Variants in FRMD7 observed in about 807,000 individuals in gnomAD.
The protein encoded by FRMD7 is FERM domain-containing protein 7.
In FRMD7, 14 loss-of-function variants were observed where a neutral mutation model predicts 44.1. The observed-to-expected ratio is 0.32, with a 90% confidence interval of 0.21 to 0.50. The LOEUF (loss-of-function observed/expected upper bound fraction) is 0.50. FRMD7 is among the 20% of genes least tolerant of loss of function. The pLI is 0.99. For synonymous variants in FRMD7, 212 were observed against 187.4 expected (o/e 1.13, Z -1.07); for missense variants, 501 against 522.3 (o/e 0.96, Z 0.40).
intron 1 of FRMD7, among the ~76,000 whole-genome samples, chrX:132,121,042 G>A (rs1345167455): frequency 1.8e-5 from 2 of 111,548 alleles, no homozygotes; most frequent in Non-Finnish European, 3.8e-5. Flanking sequence ...GGGTGGTGGT[G>A]AGCTGATCTG....
intron 5 of FRMD7, among the ~76,000 whole-genome samples, chrX:132,088,721 T>C (rs1444677127): frequency 8.9e-6 from 1 of 111,745 alleles, no homozygotes; most frequent in Non-Finnish European, 1.9e-5. Context: ...AAAAATGATA[T>C]TTTAAAAAGT....
rs982432562 is a variant in FRMD7, at chrX:132,120,850, G to C, written c.57+6938C>G. Among the ~76,000 whole-genome samples, 5 of 112,326 alleles carry C rather than the reference G, an allele frequency of 4.5e-5. No homozygotes were observed. In the Admixed American group the frequency reaches 4.7e-4, roughly 11 times the overall value. ...AAGCAACAAACCTCAGGATATGAAC[G>C]ACAGAGGAAGTTCAGTTTAAACAAA... On this transcript the variant is annotated intron_variant, in intron 1 of 11. Coordinates refer to ENST00000298542, the MANE Select transcript of FRMD7 (RefSeq NM_194277.3).
intron 5 of FRMD7, among the ~76,000 whole-genome samples, chrX:132,089,895 T>C (rs1227882789): frequency 8.9e-6 from 1 of 112,375 alleles, no homozygotes; most frequent in Non-Finnish European, 1.9e-5. Flanking sequence ...TTGTAACAAT[T>C]TGAATTGGCA....
chrX:132,114,343 T>C (rs1928849817), intron 1 of FRMD7, among the ~76,000 whole-genome samples: 1 of 111,740 alleles, frequency 8.9e-6, no homozygotes, highest in Admixed American at 9.5e-5. Flanking sequence ...GAAAACCTTT[T>C]TAAATATATT....
chrX:132,083,438 G>A (rs1369819769), intron 8 of FRMD7, among the ~76,000 whole-genome samples: 1 of 110,878 alleles, frequency 9.0e-6, no homozygotes, highest in Non-Finnish European at 1.9e-5. Flanking sequence ...CCTGTTTTCA[G>A]CAGCCCCATC....
intron 4 of FRMD7, among the ~76,000 whole-genome samples, chrX:132,095,623 C>G (rs1311438763): frequency 8.9e-6 from 1 of 112,164 alleles, no homozygotes; most frequent in East Asian, 2.8e-4. Context: ...TCATTATAAT[C>G]TTTCAAATTA....
intron 5 of FRMD7, among the ~76,000 whole-genome samples, chrX:132,092,133 T>C (rs1432714282): frequency 8.9e-6 from 1 of 112,079 alleles, no homozygotes; most frequent in Non-Finnish European, 1.9e-5. Context: ...GGTAGGTACA[T>C]GATACAATTT....
In FRMD7 at chrX:132,098,493, C is replaced by A. The variant is rs754919684; in HGVS notation, c.205+975G>T. ...TCAGGTTGGTGTTTTCAGTAGATTT[C>A]TTTGGGAGTAATGTAGATGATGGAT... On this transcript the variant is annotated intron_variant, in intron 3 of 11. Coordinates refer to ENST00000298542, the MANE Select transcript of FRMD7 (RefSeq NM_194277.3). 4.3e-4 allele frequency among the ~76,000 whole-genome samples: 48 copies of A among 112,093 alleles called. 1 individual carries two copies. Among genetic ancestry groups the A allele is most frequent in the Admixed American group, 3.7e-3 (39 of 10,529 alleles).
chrX:132,092,395 T>C (rs1928205577), intron 5 of FRMD7, among the ~76,000 whole-genome samples: 1 of 111,846 alleles, frequency 8.9e-6, no homozygotes, highest in Admixed American at 9.4e-5. Flanking sequence ...GCTTAAAATA[T>C]AGCAGGTATC....
In FRMD7 at chrX:132,084,531, T is replaced by C; in HGVS notation, c.700A>G (p.Lys234Glu). Residue 234 changes from lysine (K) to glutamate (E), a missense_variant, in exon 8 of 12, where the codon AAG (lysine) becomes GAG (glutamate). Physicochemically the swap from Lys to Glu is moderately conservative, Grantham distance 56. Coordinates refer to ENST00000298542, the MANE Select transcript of FRMD7 (RefSeq NM_194277.3). Reference sequence around the variant, plus strand: ...AGTTTGATGAGAAAATGCTTTCTCTTAAAACTCAACTTGCGGATTTTAGCC... The same window carrying C: ...AGTTTGATGAGAAAATGCTTTCTCTCAAAACTCAACTTGCGGATTTTAGCC... Reference protein sequence around the residue: ...NWAKIRKLSFKRKHFLIKLHA... With the variant: ...NWAKIRKLSFERKHFLIKLHA... 8.4e-7 allele frequency: 1 copy of C among 1,189,946 alleles called. No individual in the cohort carries two copies. Among genetic ancestry groups the C allele is most frequent in the Non-Finnish European group, 1.1e-6 (1 of 875,257 alleles).
intron 7 of FRMD7, among the ~76,000 whole-genome samples, chrX:132,085,187 C>A (rs1369442588): frequency 8.9e-6 from 1 of 111,737 alleles, no homozygotes; most frequent in African/African-American, 3.3e-5. Flanking sequence ...CTGCAGCCTA[C>A]ACCCATTTCC....
intron 1 of FRMD7, 121 bp downstream of exon 1, chrX:132,127,667 A>G: frequency 1.7e-6 from 1 of 594,401 alleles, no homozygotes; most frequent in East Asian, 3.3e-5. Context: ...AAAGCTAAAA[A>G]TCACAGTCCT....
intron 5 of FRMD7, among the ~76,000 whole-genome samples, chrX:132,090,491 A>G (rs5977627): frequency 0.017 from 1,867 of 111,240 alleles, 40 homozygotes; most frequent in African/African-American, 0.059. Context: ...CATTTACATG[A>G]AATGTTCAGG....
chrX:132,077,627 A>T lies in FRMD7; in HGVS notation c.*245T>A, dbSNP rs1723041467. On this transcript the variant is annotated 3_prime_UTR_variant, in exon 12 of 12. Transcript: ENST00000298542. ...TATGCAGTGGAGATGACAAATACCC[A>T]CCTTGCCTTGCCACAGTGCTGGTGA... is the stretch of plus-strand genomic sequence containing the variant. 6 of 406,511 alleles carry T rather than the reference A, an allele frequency of 1.5e-5. No individual in the cohort carries two copies. The highest frequency in any genetic ancestry group is 2.6e-5 in the Non-Finnish European group (6 of 234,050). The allele number at this position is 406,511 out of a possible 1,213,427, so 33.5% of individuals were successfully genotyped here. A position where few individuals can be genotyped will look rare whatever the true frequency, so the allele number is the denominator to read the frequency against.
At chrX:132,114,608 A>T (rs761114710) in intron 1 of FRMD7, among the ~76,000 whole-genome samples, 1 of 112,321 alleles carries the variant, frequency 8.9e-6, no homozygotes, top group Admixed American at 9.4e-5. Flanking sequence ...TAGGATTCAA[A>T]CTGATTAGCA....
In FRMD7 at chrX:132,084,500, G is replaced by A; in HGVS notation, c.731C>T (p.Ala244Val). 1 of 1,147,897 alleles carries A rather than the reference G, an allele frequency of 8.7e-7. No individual in the cohort carries two copies. The highest frequency in any genetic ancestry group is 1.2e-6 in the Non-Finnish European group (1 of 837,190). 94.6% of individuals were successfully genotyped at this position (1,147,897 alleles called of 1,213,427 possible). A position where few individuals can be genotyped will look rare whatever the true frequency, so the allele number is the denominator to read the frequency against. Residue 244 changes from alanine (A) to valine (V), a missense_variant, in exon 8 of 12, where the codon GCC (alanine) becomes GTC (valine). Coordinates refer to ENST00000298542, the MANE Select transcript of FRMD7 (RefSeq NM_194277.3). ...TAGAAAGCTACTTACCAAGATATTG[G>A]CATGAAGTTTGATGAGAAAATGCTT... ...KRKHFLIKLH[A>V]NILVLCKDTL...
chrX:132,114,453 T>A (rs1335262923), intron 1 of FRMD7, among the ~76,000 whole-genome samples: 2 of 112,124 alleles, frequency 1.8e-5, no homozygotes, highest in African/African-American at 6.5e-5. Context: ...CACACCAAAA[T>A]GTTAAAATCT....
At chrX:132,087,866 T>C (rs1602802264) in intron 5 of FRMD7, among the ~76,000 whole-genome samples, 1 of 111,156 alleles carries the variant, frequency 9.0e-6, no homozygotes, top group Non-Finnish European at 1.9e-5. Flanking sequence ...GTTGAATTTA[T>C]CTCAGGATTG....
chrX:132,103,922 G>C (rs1928577763), intron 1 of FRMD7, among the ~76,000 whole-genome samples: 1 of 111,315 alleles, frequency 9.0e-6, no homozygotes, highest in Non-Finnish European at 1.9e-5. Context: ...TGGATAAATG[G>C]ACCCAGACAT....
Sources: gnomAD v4.1 joint callset for allele counts (sites outside exome capture counted in the v4.1 genomes callset) on GRCh38, gnomAD v4.1.1 for gene constraint, MANE v1.5 for transcripts, NCBI Gene and HGNC (gene_info 2026-07-23, HGNC 2026-07-21) for gene names.